Variants in ATR observed in about 807,000 individuals in gnomAD.
ATR encodes ATR checkpoint kinase.
Under a neutral mutation model 305.3 loss-of-function variants are expected in ATR, and 142 were observed. The observed-to-expected ratio is 0.47, with a 90% CI of 0.41 to 0.53. The LOEUF is 0.53. Ranked by LOEUF, ATR falls within the 20% of genes least tolerant of loss-of-function variation. The probability of loss-of-function intolerance (pLI) is 0.00; values close to 1 mark genes in which losing one functional copy is unlikely to be tolerated. For synonymous variants in ATR, 1,050 were observed against 1,068.1 expected (o/e 0.98, Z 0.33); for missense variants, 2,135 against 3,133.1 (o/e 0.68, Z 7.60).
chr3:142,465,285 G>C (rs770879061), intron 40 of ATR, 45 bp from the exon 41 acceptor site: 2 of 1,507,392 alleles, frequency 1.3e-6, no homozygotes, highest in South Asian at 2.3e-5. Context: ...AAAAATTTCT[G>C]TGTAAATGTC....
chr3:142,494,337 G>T (rs142874990), intron 34 of ATR, among the ~76,000 whole-genome samples: 87 of 152,208 alleles, frequency 5.7e-4, no homozygotes, highest in African/African-American at 2.0e-3. Flanking sequence ...GGGAATTGAA[G>T]ACAATCACAA....
intron 39 of ATR, among the ~76,000 whole-genome samples, chr3:142,467,319 G>T (rs1300294442): frequency 6.6e-6 from 1 of 152,038 alleles, no homozygotes; most frequent in Admixed American, 6.6e-5. Flanking sequence ...CTGTAACCAT[G>T]TTCCTACTTT....
At chr3:142,504,754 G>A (rs561640577) in intron 29 of ATR, among the ~76,000 whole-genome samples, 60 of 152,288 alleles carry the variant, frequency 3.9e-4, no homozygotes, top group African/African-American at 1.3e-3. Flanking sequence ...ATGAGCCGCC[G>A]CATCCGGCCT....
intron 36 of ATR, among the ~76,000 whole-genome samples, chr3:142,474,150 C>T (rs2071374180): frequency 6.6e-6 from 1 of 151,784 alleles, no homozygotes; most frequent in Admixed American, 6.6e-5. Flanking sequence ...TGGTCTCAAA[C>T]TCCTGACCTC....
Position 142,459,267 on chromosome 3 carries a change from G to T in ATR, c.7309C>A (p.His2437Asn). 1 of 1,613,974 alleles carries T rather than the reference G, an allele frequency of 6.2e-7. No individual in the cohort carries two copies. The highest frequency in any genetic ancestry group is 1.1e-5 in the South Asian group (1 of 91,076). The change falls in exon 43 of 47, where the codon CAT becomes AAT. Residue 2437 changes from histidine to asparagine, a missense_variant. Physicochemically the swap from His to Asn is moderately conservative, Grantham distance 68. Transcript: ENST00000350721. ...FLLPRHPPIF[H>N]EWFLRTFPDP... ...GGGAATGTTCTCAGAAACCACTCAT[G>T]AAAAATAGGAGGATGCCTGGGCAGG...
intron 40 of ATR, 94 bp from the exon 41 acceptor site, chr3:142,465,334 A>AT: frequency 1.1e-6 from 1 of 928,932 alleles, no homozygotes; most frequent in Non-Finnish European, 1.6e-6. Context: ...AAAAAAAAAA[A>AT]GAATATTACC....
chr3:142,568,488 G>C (rs1433182861), intron 1 of ATR, among the ~76,000 whole-genome samples: 1 of 152,226 alleles, frequency 6.6e-6, no homozygotes, highest in Non-Finnish European at 1.5e-5. Context: ...AGCCCAGTTG[G>C]AGCGGTGAGG....
chr3:142,569,323 T>A (rs370249748), intron 1 of ATR, among the ~76,000 whole-genome samples: 3 of 152,094 alleles, frequency 2.0e-5, no homozygotes, highest in Non-Finnish European at 4.4e-5. Flanking sequence ...TATTATTATT[T>A]TATTTTCCCC....
At chr3:142,513,719 T>C (rs2032710689) in intron 25 of ATR, 81 bp from the exon 26 acceptor site, 1 of 1,390,066 alleles carries the variant, frequency 7.2e-7, no homozygotes. Flanking sequence ...AGATAATTTA[T>C]CACAAACGAG....
At chr3:142,456,209 T>G (rs981023073) in intron 45 of ATR, among the ~76,000 whole-genome samples, 1 of 151,590 alleles carries the variant, frequency 6.6e-6, no homozygotes. Flanking sequence ...TTGCAGTGAG[T>G]GGAGATCACG....
intron 20 of ATR, 29 bp from the exon 21 acceptor site, chr3:142,535,234 T>C (rs754325333): frequency 3.7e-6 from 6 of 1,611,808 alleles, no homozygotes; most frequent in East Asian, 2.2e-5. Flanking sequence ...GAGACAGAAC[T>C]TATTAATCAA....
intron 3 of ATR, among the ~76,000 whole-genome samples, chr3:142,564,932 T>C (rs1262677901): frequency 6.6e-6 from 1 of 151,920 alleles, no homozygotes; most frequent in Non-Finnish European, 1.5e-5. Context: ...TTTTCTGTTT[T>C]GTTTTGGTTT....
At chr3:142,502,580 T>C (rs1230633009) in intron 30 of ATR, among the ~76,000 whole-genome samples, 1 of 152,142 alleles carries the variant, frequency 6.6e-6, no homozygotes, top group East Asian at 1.9e-4. Context: ...AATATGCCCT[T>C]GTCACTAACT....
At chr3:142,501,153 T>C (rs544966265) in intron 30 of ATR, among the ~76,000 whole-genome samples, 6 of 152,292 alleles carry the variant, frequency 3.9e-5, no homozygotes, top group Admixed American at 3.9e-4. Context: ...CACCCCTTCA[T>C]TGAATATTGA....
chr3:142,568,574 T>G (rs1016240309), intron 1 of ATR, among the ~76,000 whole-genome samples: 6 of 152,090 alleles, frequency 3.9e-5, no homozygotes, highest in Non-Finnish European at 8.8e-5. Flanking sequence ...GCAAGACAGG[T>G]GGAAGCCCCG....
chr3:142,485,311 T>C, intron 35 of ATR, 29 bp from the exon 36 acceptor site: 1 of 1,613,092 alleles, frequency 6.2e-7, no homozygotes. Context: ...GATACCTACC[T>C]AAGGAAATCC....
At position 142,465,396 on chromosome 3, in the gene ATR, C is replaced by T. The variant is rs2071105078; in HGVS notation, c.6898-156G>A. ...TTTAAAAATCTTTTATTTTAATTAT[C>T]TATGACCTATGAAAAGAATGACTGT... On this transcript the variant is annotated intron_variant, in intron 40 of 46. Transcript: ENST00000350721. 5.9e-6 allele frequency: 3 copies of T among 511,190 alleles called. No individual in the cohort carries two copies. The Admixed American group carries it at 1.1e-4, about 18-fold the overall frequency. 31.7% of individuals were successfully genotyped at this position (511,190 alleles called of 1,614,324 possible).
At position 142,564,809 on chromosome 3, in the gene ATR, C is replaced by T. The variant is rs185321484; in HGVS notation, c.292+1312G>A. Among the ~76,000 whole-genome samples the T allele has an allele frequency of 1.1e-3, 160 of 151,772 alleles. 1 individual carries two copies. The highest frequency in any genetic ancestry group is 3.6e-3 in the African/African-American group (148 of 41,410). On this transcript the variant is annotated intron_variant, in intron 3 of 46. Transcript: ENST00000350721. ...CTCTGTTACCCAGGCTGGAGTGCAA[C>T]GGCATGGTCTTAGCTCACTGCAATC...
intron 40 of ATR, chr3:142,465,662 G>A (rs190037059): frequency 1.5e-4 from 25 of 161,390 alleles, no homozygotes; most frequent in Admixed American, 1.4e-3. Flanking sequence ...TCAAAATTAA[G>A]TGTACCTAAT....
Sources: gnomAD v4.1 joint callset for allele counts (sites outside exome capture counted in the v4.1 genomes callset) on GRCh38, gnomAD v4.1.1 for gene constraint, MANE v1.5 for transcripts, NCBI Gene and HGNC (gene_info 2026-07-23, HGNC 2026-07-21) for gene names.